Variants in PIWIL1 observed in about 807,000 individuals in gnomAD.
The protein encoded by PIWIL1 is piwi-like protein 1.
PIWIL1 carries 73 observed loss-of-function variants against 114.4 expected under a neutral mutation model. That is an observed-to-expected ratio of 0.64 (90% CI 0.53 to 0.78). The LOEUF (loss-of-function observed/expected upper bound fraction) is 0.78, where lower values mean the gene tolerates loss of function less well. PIWIL1 is among the 30% of genes least tolerant of loss of function. PIWIL1 has a pLI of 0.00. For synonymous variants in PIWIL1, 375 were observed against 369.0 expected (o/e 1.02, Z -0.19); for missense variants, 723 against 1,063.1 (o/e 0.68, Z 4.45).
At chr12:130,347,560 A>G (rs1209048436) in intron 6 of PIWIL1, among the ~76,000 whole-genome samples, 1 of 152,222 alleles carries the variant, frequency 6.6e-6, no homozygotes, top group Non-Finnish European at 1.5e-5. Context: ...TGAGAATAGT[A>G]GGGCATAATA....
chr12:130,421,720 TG>T, the PIWIL1 span, among the ~76,000 whole-genome samples: 1 of 151,492 alleles, frequency 6.6e-6, no homozygotes. Flanking sequence ...TGTGTGTGTG[TG>T]TGTTTTCATA....
rs374701122 is a variant in PIWIL1, at chr12:130,345,547, C to T, written c.191-206C>T. 3.6e-4 allele frequency: 185 copies of T among 516,066 alleles called. 1 individual carries two copies. The highest frequency in any genetic ancestry group is 3.0e-3 in the South Asian group (117 of 38,968). 32.0% of individuals were successfully genotyped at this position (516,066 alleles called of 1,614,324 possible). The stretch of plus-strand genomic sequence containing the variant: ...CATCTGCAATTGCCCAGGACAGTGA[C>T]AAGGCCTTTATGAATGAAGTTATAA... On this transcript the variant is annotated intron_variant, in intron 3 of 20. Coordinates refer to ENST00000245255, the MANE Select transcript of PIWIL1 (RefSeq NM_004764.5).
rs148761539 is a variant in PIWIL1, at chr12:130,357,305, G to A, written c.1593-176G>A. Reference sequence around the variant, plus strand: ...AAGTAAGACAGTTTCTGAAACCTGCGTGCTTAAAATATTGCTCGTTTGTAT... The same window carrying A: ...AAGTAAGACAGTTTCTGAAACCTGCATGCTTAAAATATTGCTCGTTTGTAT... On this transcript the variant is annotated intron_variant, in intron 13 of 20. Coordinates refer to ENST00000245255, the MANE Select transcript of PIWIL1 (RefSeq NM_004764.5). 4.2e-3 allele frequency among the ~76,000 whole-genome samples: 640 copies of A among 152,080 alleles called. 1 individual carries two copies. Among genetic ancestry groups the A allele is most frequent in the Admixed American group, 6.9e-3 (105 of 15,294 alleles).
Position 130,361,367 on chromosome 12 carries a change from G to A in PIWIL1, c.1853G>A (p.Arg618Lys), listed in dbSNP as rs1360802026. 6.2e-7 allele frequency: 1 copy of A among 1,614,192 alleles called. No homozygotes were observed. The highest frequency in any genetic ancestry group is 1.1e-5 in the South Asian group (1 of 91,080). ...TGCAAGATGGGAGGAGAGCTCTGGAGGGTGGACATCCCCGTGAGTTTGATT... is the reference window on the plus strand; with the variant it reads ...TGCAAGATGGGAGGAGAGCTCTGGAAGGTGGACATCCCCGTGAGTTTGATT... Reference protein sequence around the residue: ...MNCKMGGELWRVDIPLKLVMI... With the variant: ...MNCKMGGELWKVDIPLKLVMI... Residue 618 changes from arginine to lysine, a missense_variant, in exon 15 of 21, where the codon AGG (arginine) becomes AAG (lysine). Transcript: ENST00000245255.
intron 18 of PIWIL1, chr12:130,366,478 C>T (rs2073662019): frequency 6.6e-6 from 1 of 152,340 alleles, no homozygotes; most frequent in African/African-American, 2.4e-5. Flanking sequence ...GGAGAGCCGC[C>T]TGAAGAATCC....
At chr12:130,402,729 C>T in the PIWIL1 span, among the ~76,000 whole-genome samples, 2 of 152,190 alleles carry the variant, frequency 1.3e-5, no homozygotes, top group African/African-American at 2.4e-5. Context: ...ACACCAAAAT[C>T]GATCCCCTCC....
chr12:130,415,850 T>C, the PIWIL1 span, among the ~76,000 whole-genome samples: 1 of 152,148 alleles, frequency 6.6e-6, no homozygotes, highest in Non-Finnish European at 1.5e-5. Flanking sequence ...ACAATTTCAA[T>C]AAAATTTCAG....
At position 130,338,604 on chromosome 12, in the gene PIWIL1, A is replaced by G. The variant is rs1328104739; in HGVS notation, c.-13+458A>G. On this transcript the variant is annotated intron_variant, in intron 1 of 20. Coordinates refer to ENST00000245255, the MANE Select transcript of PIWIL1 (RefSeq NM_004764.5). ...GAGCCGGGTGCGGGGGCGAGGTCCC[A>G]GGTGCGGGGGATGCAGGAGCCGGGT... Among the ~76,000 whole-genome samples, 44 of 23,574 alleles carry G rather than the reference A, an allele frequency of 1.9e-3. 1 individual carries two copies. The highest frequency in any genetic ancestry group is 2.2e-3 in the Non-Finnish European group (26 of 11,984). The allele number at this position is 23,574 out of a possible 152,430, so 15.5% of individuals were successfully genotyped here. A position where few individuals can be genotyped will look rare whatever the true frequency, so the allele number is the denominator to read the frequency against.
Position 130,371,666 on chromosome 12 carries a change from A to T in PIWIL1, c.*68A>T. On this transcript the variant is annotated 3_prime_UTR_variant, in exon 21 of 21. Transcript: ENST00000245255. ...TTGGGATTTTTTTAAGCTTTTATTT[A>T]CTTTTTTTTTAACTGTTATCTTTCT... The T allele has an allele frequency of 9.9e-7, 1 of 1,009,440 alleles. No individual in the cohort carries two copies. Among genetic ancestry groups the T allele is most frequent in the Non-Finnish European group, 1.5e-6 (1 of 667,616 alleles). The allele number at this position is 1,009,440 out of a possible 1,614,324, so 62.5% of individuals were successfully genotyped here.
At chr12:130,350,224 CCTATGGAGGACAAGTAGG>C (rs1483613291) in intron 9 of PIWIL1, among the ~76,000 whole-genome samples, 1 of 152,172 alleles carries the variant, frequency 6.6e-6, no homozygotes, top group Non-Finnish European at 1.5e-5. Flanking sequence ...TGAATTGAAG[CCTATGGAGGACAAGTAGG>C]TTGGATAACA....
Position 130,345,894 on chromosome 12 carries a change from A to AT in PIWIL1, c.316+17dup. On this transcript the variant is annotated intron_variant, in intron 4 of 20. Coordinates refer to ENST00000245255, the MANE Select transcript of PIWIL1 (RefSeq NM_004764.5). ...TCAAAAACAGGTAGGTTAATTAAGAATAAGTTTTGTGAGATTACATCTCAG... is the reference window on the plus strand; with the variant it reads ...TCAAAAACAGGTAGGTTAATTAAGAATTAAGTTTTGTGAGATTACATCTCAG... 6.2e-7 allele frequency: 1 copy of AT among 1,612,504 alleles called. No homozygotes were observed. The highest frequency in any genetic ancestry group is 8.5e-7 in the Non-Finnish European group (1 of 1,179,256).
At position 130,349,378 on chromosome 12, in the gene PIWIL1, G is replaced by C. The variant is rs529758864; in HGVS notation, c.874G>C (p.Glu292Gln). 15 of 1,613,630 alleles carry C rather than the reference G, an allele frequency of 9.3e-6. No homozygotes were observed. Among genetic ancestry groups the C allele is most frequent in the Non-Finnish European group, 1.2e-5 (14 of 1,179,626 alleles). The change falls in exon 8 of 21, where the codon GAA (glutamate) becomes CAA (glutamine). Residue 292 changes from glutamate to glutamine, a missense_variant. This residue lies in a region of PIWIL1 where 190 missense variants were observed against 294.4 expected (regional missense o/e 0.65). Coordinates refer to ENST00000245255, the MANE Select transcript of PIWIL1 (RefSeq NM_004764.5). ...FMFNFYHQTE[E>Q]HKFQEQVSKE... ...GTTCAACTTTTATCATCAGACAGAAGAACATAAATTTCAAGAACAAGTTTC... is the reference window on the plus strand; with the variant it reads ...GTTCAACTTTTATCATCAGACAGAACAACATAAATTTCAAGAACAAGTTTC...
At chr12:130,373,152 G>T (rs1284364147), downstream of PIWIL1, among the ~76,000 whole-genome samples, 1 of 152,212 alleles carries the variant, frequency 6.6e-6, no homozygotes, top group East Asian at 1.9e-4. Flanking sequence ...TTCTAAGCAT[G>T]AGAAGACAAG....
the PIWIL1 span, chr12:130,414,107 C>G: frequency 1.2e-6 from 2 of 1,613,768 alleles, no homozygotes; most frequent in Non-Finnish European, 1.7e-6. Context: ...AAGCCGCCCG[C>G]AGGCAGCCAT....
At chr12:130,399,915 G>A in the PIWIL1 span, 3 of 1,294,570 alleles carry the variant, frequency 2.3e-6, no homozygotes, top group South Asian at 2.8e-5. Context: ...TACATGGTGA[G>A]TTTATTCTGG....
downstream of PIWIL1, among the ~76,000 whole-genome samples, chr12:130,375,448 T>C (rs1197499413): frequency 6.6e-6 from 1 of 152,190 alleles, no homozygotes; most frequent in Non-Finnish European, 1.5e-5. Context: ...CTACTGTCTA[T>C]TTTGCTAAAA....
At chr12:130,343,183 A>G (rs2072973033) in intron 3 of PIWIL1, 82 bp downstream of exon 3, 1 of 900,016 alleles carries the variant, frequency 1.1e-6, no homozygotes, top group African/African-American at 1.7e-5. Flanking sequence ...TTGGTACAAA[A>G]ATTTGTGCTG....
At chr12:130,407,607 A>T in the PIWIL1 span, 1 of 845,762 alleles carries the variant, frequency 1.2e-6, no homozygotes, top group Non-Finnish European at 2.1e-6. Flanking sequence ...AGCCCTTCCT[A>T]CGGATGGTTC....
At chr12:130,416,084 G>A in the PIWIL1 span, among the ~76,000 whole-genome samples, 1 of 152,154 alleles carries the variant, frequency 6.6e-6, no homozygotes, top group Non-Finnish European at 1.5e-5. Flanking sequence ...AGAAGTCATA[G>A]ATCACATGAA....
Sources: allele counts gnomAD v4.1 joint callset (sites outside exome capture counted in the v4.1 genomes callset), GRCh38; gene constraint gnomAD v4.1.1; regional missense constraint gnomAD v4.1.1; transcripts MANE v1.5; gene names NCBI Gene and HGNC (gene_info 2026-07-23, HGNC 2026-07-21).